CFAP97: variants seen among roughly 807,000 people sequenced by gnomAD.
CFAP97 encodes cilia and flagella associated protein 97.
Under a neutral mutation model 43.1 loss-of-function variants are expected in CFAP97, and 36 were observed. The ratio of observed to expected loss-of-function variants is 0.84; its 90% CI spans 0.64 to 1.10. CFAP97 has a LOEUF of 1.10. Ranked by LOEUF, CFAP97 falls within the 50% of genes least tolerant of loss-of-function variation. CFAP97 has a pLI of 0.00. For missense variants in CFAP97, 657 were observed against 620.3 expected (o/e 1.06, Z -0.63); for synonymous variants, 228 against 225.7 (o/e 1.01, Z -0.09).
At chr4:185,163,987 A>G in intron 4 of CFAP97, 42 bp downstream of exon 4, 1 of 1,561,684 alleles carries the variant, frequency 6.4e-7, no homozygotes, top group African/African-American at 1.4e-5. Context: ...AAAAAAGGAT[A>G]CAAGATACAA....
At chr4:185,163,958 A>T in intron 4 of CFAP97, 71 bp downstream of exon 4, 1 of 1,390,924 alleles carries the variant, frequency 7.2e-7, no homozygotes, top group Non-Finnish European at 1.0e-6. Flanking sequence ...CTATCATAAT[A>T]ACATGTTACG....
chr4:185,208,214 C>T (rs763768988), upstream of CFAP97, among the ~76,000 whole-genome samples: 10 of 152,016 alleles, frequency 6.6e-5, no homozygotes, highest in Admixed American at 2.6e-4. Flanking sequence ...GTTCAAGTTT[C>T]ACTATGTTGG....
At chr4:185,197,258 AAG>A (rs1736597661) in intron 1 of CFAP97, among the ~76,000 whole-genome samples, 1 of 152,080 alleles carries the variant, frequency 6.6e-6, no homozygotes, top group African/African-American at 2.4e-5. Context: ...AACATAACAA[AAG>A]AGTAATTTTA....
chr4:185,195,440 A>G (rs114601847), intron 1 of CFAP97, among the ~76,000 whole-genome samples: 1,662 of 152,332 alleles, frequency 0.011, 29 homozygotes, highest in African/African-American at 0.039. Context: ...TCATCATCAC[A>G]CCACTGCACT....
chr4:185,192,890 G>A (rs563557600), intron 1 of CFAP97, among the ~76,000 whole-genome samples: 55 of 151,976 alleles, frequency 3.6e-4, no homozygotes, highest in South Asian at 1.3e-3. Context: ...ACAGGCGCCC[G>A]CCACCACGCC....
chr4:185,206,521 T>C (rs1737191609), upstream of CFAP97, among the ~76,000 whole-genome samples: 1 of 151,892 alleles, frequency 6.6e-6, no homozygotes, highest in Non-Finnish European at 1.5e-5. Flanking sequence ...TAGCCAGGCA[T>C]GCTGATGCAT....
Position 185,175,785 on chromosome 4 carries a change from C to T in CFAP97, c.1320+1G>A, listed in dbSNP as rs1364156723. 2 of 1,609,508 alleles carry T rather than the reference C, an allele frequency of 1.2e-6. No individual in the cohort carries two copies. Among genetic ancestry groups the T allele is most frequent in the South Asian group, 1.1e-5 (1 of 90,522 alleles). On this transcript the variant is annotated splice_donor_variant, in intron 3 of 4. Coordinates refer to ENST00000458385, the MANE Select transcript of CFAP97 (RefSeq NM_020827.3). LOFTEE classifies it high-confidence loss of function. ...GATGACTAATTATTTCAGTTACTTA[C>T]CAAGTTTTCTCTCTCAATCCTTTGT... is the stretch of plus-strand genomic sequence containing the variant.
chr4:185,166,775 A>C (rs1226324573), intron 3 of CFAP97, among the ~76,000 whole-genome samples: 1 of 152,192 alleles, frequency 6.6e-6, no homozygotes, highest in Non-Finnish European at 1.5e-5. Context: ...CATGAATATA[A>C]CAAGCTAAAC....
intron 1 of CFAP97, among the ~76,000 whole-genome samples, chr4:185,201,950 A>C (rs1045126719): frequency 6.6e-6 from 1 of 152,190 alleles, no homozygotes; most frequent in Admixed American, 6.5e-5. Context: ...TGTAAAAATT[A>C]ACATAAAATA....
At chr4:185,208,169 C>T (rs960516316), upstream of CFAP97, among the ~76,000 whole-genome samples, 10 of 152,002 alleles carry the variant, frequency 6.6e-5, no homozygotes, top group Admixed American at 5.2e-4. Context: ...AGTGCAATGG[C>T]GCGATGTCGG....
chr4:185,204,308 G>C (rs1407348633), upstream of CFAP97: 1 of 152,218 alleles, frequency 6.6e-6, no homozygotes. Context: ...AAGCTGCCTT[G>C]ATTATCTTGT....
In CFAP97 at chr4:185,194,745, A is replaced by G. The variant is rs186630355; in HGVS notation, c.-16-3533T>C. On this transcript the variant is annotated intron_variant, in intron 1 of 4. Transcript: ENST00000458385. ...GAACATGAAAAATACAGAATACAAA[A>G]CTTTTCTATACTGAATTAATAATAC... Among the ~76,000 whole-genome samples the G allele has an allele frequency of 2.0e-5, 3 of 152,310 alleles. No homozygotes were observed. In the East Asian group the frequency reaches 5.8e-4, roughly 29 times the overall value.
chr4:185,189,270 C>T (rs1159501414), intron 2 of CFAP97, among the ~76,000 whole-genome samples: 1 of 152,104 alleles, frequency 6.6e-6, no homozygotes, highest in African/African-American at 2.4e-5. Context: ...AAAGTGGCAA[C>T]ATCAAGTGTG....
chr4:185,164,269 C>T, intron 3 of CFAP97, 90 bp from the exon 4 acceptor site: 2 of 1,224,700 alleles, frequency 1.6e-6, no homozygotes, highest in South Asian at 1.5e-5. Flanking sequence ...CATTCACTTT[C>T]TTTCTTTTTT....
intron 2 of CFAP97, among the ~76,000 whole-genome samples, chr4:185,189,189 G>A (rs868100490): frequency 1.3e-5 from 2 of 152,080 alleles, no homozygotes; most frequent in Admixed American, 6.6e-5. Context: ...GTGAGCTGTG[G>A]TCACGCCACT....
At chr4:185,191,893 T>C (rs1736274936) in intron 1 of CFAP97, among the ~76,000 whole-genome samples, 1 of 151,916 alleles carries the variant, frequency 6.6e-6, no homozygotes, top group South Asian at 2.1e-4. Context: ...CAATTAGAGT[T>C]TAGAGTAAGA....
intron 1 of CFAP97, among the ~76,000 whole-genome samples, chr4:185,197,478 C>T (rs1440345636): frequency 4.0e-5 from 6 of 150,840 alleles, no homozygotes; most frequent in East Asian, 2.0e-4. Flanking sequence ...CAGGCTGGAG[C>T]GCAGTGGCGC....
rs1192371041 is a variant in CFAP97, at chr4:185,170,020, T to C, written c.1320+5766A>G. The C allele has an allele frequency of 7.0e-6, 8 of 1,138,722 alleles. No homozygotes were observed. The East Asian group carries it at 2.6e-4, about 37-fold the overall frequency. 70.5% of individuals were successfully genotyped at this position (1,138,722 alleles called of 1,614,324 possible). A position where few individuals can be genotyped will look rare whatever the true frequency, so the allele number is the denominator to read the frequency against. Reference sequence around the variant, plus strand: ...TCATTTTTGTGACAATTTATCACAATCTCCCTTTAATTATTCCACATAAGA... The same window carrying C: ...TCATTTTTGTGACAATTTATCACAACCTCCCTTTAATTATTCCACATAAGA... On this transcript the variant is annotated intron_variant, in intron 3 of 4. Coordinates refer to ENST00000458385, the MANE Select transcript of CFAP97 (RefSeq NM_020827.3).
chr4:185,208,945 C>T (rs1480467193), upstream of CFAP97, among the ~76,000 whole-genome samples: 1 of 152,178 alleles, frequency 6.6e-6, no homozygotes, highest in Non-Finnish European at 1.5e-5. Flanking sequence ...ATTTGGACCA[C>T]GTTCCTTTGC....
Sources: allele counts gnomAD v4.1 joint callset (sites outside exome capture counted in the v4.1 genomes callset), GRCh38; gene constraint gnomAD v4.1.1; transcripts MANE v1.5; gene names NCBI Gene and HGNC (gene_info 2026-07-23, HGNC 2026-07-21).